Variants in SRSF11 observed in about 807,000 individuals in gnomAD.
The protein encoded by SRSF11 is serine and arginine rich splicing factor 11, also known as serine/arginine-rich splicing factor 11.
SRSF11 carries 9 observed loss-of-function variants against 56.0 expected under a neutral mutation model. The observed-to-expected ratio is 0.16, with a 90% CI of 0.10 to 0.28. SRSF11 has a LOEUF of 0.28. Among genes scored for constraint, SRSF11 ranks in the 10% least tolerant of loss-of-function variants. The pLI, the probability that SRSF11 is intolerant of heterozygous loss-of-function variation, is 1.00. For synonymous variants in SRSF11, 222 were observed against 215.3 expected, an observed-to-expected ratio of 1.03 and a Z score of -0.27; for missense variants, 421 against 600.7, an observed-to-expected ratio of 0.70 and a Z score of 3.13.
intron 1 of SRSF11, among the ~76,000 whole-genome samples, chr1:70,227,287 T>C (rs1671992597): frequency 6.6e-6 from 1 of 152,226 alleles, no homozygotes; most frequent in African/African-American, 2.4e-5. Flanking sequence ...CTGTGAAGCC[T>C]CATTCAGATA....
At chr1:70,222,533 T>C (rs919249662) in intron 1 of SRSF11, among the ~76,000 whole-genome samples, 3 of 152,224 alleles carry the variant, frequency 2.0e-5, no homozygotes, top group Non-Finnish European at 4.4e-5. Flanking sequence ...CTCACTTTTA[T>C]TTTGAAAATT....
intron 1 of SRSF11, among the ~76,000 whole-genome samples, chr1:70,212,950 G>C (rs191080454): frequency 1.3e-3 from 193 of 152,002 alleles, no homozygotes; most frequent in Middle Eastern, 3.4e-3. Context: ...TACTGGGGGG[G>C]TGGGGGTAAG....
At chr1:70,227,359 T>C (rs1275184257) in intron 1 of SRSF11, among the ~76,000 whole-genome samples, 1 of 152,170 alleles carries the variant, frequency 6.6e-6, no homozygotes, top group Non-Finnish European at 1.5e-5. Flanking sequence ...GTTATATTGA[T>C]GTTAAAATGA....
Position 70,237,502 on chromosome 1 carries a change from T to C in SRSF11, c.668T>C (p.Met223Thr). 6.2e-7 allele frequency: 1 copy of C among 1,614,080 alleles called. No individual in the cohort carries two copies. Among genetic ancestry groups the C allele is most frequent in the Non-Finnish European group, 8.5e-7 (1 of 1,180,016 alleles). Reference protein sequence around the residue: ...DTSSKEIEEAMKRVREAQSLI... With the variant: ...DTSSKEIEEATKRVREAQSLI... Reference sequence around the variant, plus strand: ...TCTAGTAAAGAAATAGAGGAAGCTATGAAAAGAGTACGAGAAGCACAGTCC... The same window carrying C: ...TCTAGTAAAGAAATAGAGGAAGCTACGAAAAGAGTACGAGAAGCACAGTCC... Residue 223 changes from methionine to threonine, a missense_variant, in exon 6 of 12, where the codon ATG (methionine) becomes ACG (threonine). By Grantham distance (81) the Met-to-Thr change is moderately conservative (BLOSUM62 -1). Transcript: ENST00000370949.
rs1676874855 is a variant in SRSF11, at chr1:70,246,808, C to T, written c.933-10C>T. ...TTCTAATGCATTCATAAATTGTGTT[C>T]ATTTGTTAGAGACAAAAAGAAAGAA... On this transcript the variant is annotated splice_polypyrimidine_tract_variant and intron_variant, in intron 8 of 11. Coordinates refer to ENST00000370949, the MANE Select transcript of SRSF11 (RefSeq NM_001350605.2). The T allele has an allele frequency of 1.3e-6, 2 of 1,589,328 alleles. No individual in the cohort carries two copies. The highest frequency in any genetic ancestry group is 1.7e-6 in the Non-Finnish European group (2 of 1,165,424).
chr1:70,217,748 G>C (rs1055368092), upstream of SRSF11, among the ~76,000 whole-genome samples: 19 of 152,072 alleles, frequency 1.2e-4, no homozygotes, highest in Non-Finnish European at 2.6e-4. Context: ...TCATAGATTG[G>C]TTATATTTAT....
At position 70,250,878 on chromosome 1, in the gene SRSF11, A is replaced by G; in HGVS notation, c.*73A>G. On this transcript the variant is annotated 3_prime_UTR_variant, in exon 12 of 12. Transcript: ENST00000370949. ...CCTTTGTGTGATTTCTTAATGCTGT[A>G]TTTGTTCATCTCAAACCTAGATGTA... 7.3e-7 allele frequency: 1 copy of G among 1,368,978 alleles called. No individual in the cohort carries two copies. Among genetic ancestry groups the G allele is most frequent in the African/African-American group, 1.4e-5 (1 of 69,674 alleles). 84.8% of individuals were successfully genotyped at this position (1,368,978 alleles called of 1,614,324 possible). A position where few individuals can be genotyped will look rare whatever the true frequency, so the allele number is the denominator to read the frequency against.
At chr1:70,212,139 G>A (rs1390677774) in intron 1 of SRSF11, among the ~76,000 whole-genome samples, 1 of 151,938 alleles carries the variant, frequency 6.6e-6, no homozygotes, top group Admixed American at 6.5e-5. Context: ...AACTAAAATT[G>A]TTTAATTTTA....
chr1:70,207,237 A>G (rs1035466113), intron 1 of SRSF11, among the ~76,000 whole-genome samples: 17 of 152,062 alleles, frequency 1.1e-4, no homozygotes, highest in African/African-American at 4.1e-4. Context: ...CAACGTTATT[A>G]ATGAGGTCCC....
upstream of SRSF11, among the ~76,000 whole-genome samples, chr1:70,217,040 T>A (rs1016153198): frequency 6.6e-6 from 1 of 152,254 alleles, no homozygotes; most frequent in African/African-American, 2.4e-5. Context: ...CTTCTTCCTT[T>A]TAGTAAGGTC....
At chr1:70,235,572 T>A in intron 5 of SRSF11, 22 bp downstream of exon 5, 1 of 1,608,098 alleles carries the variant, frequency 6.2e-7, no homozygotes, top group Non-Finnish European at 8.5e-7. Flanking sequence ...TTCTTTGTTT[T>A]CATTGGTGAT....
chr1:70,218,498 T>C (rs951446841), upstream of SRSF11: 1 of 152,266 alleles, frequency 6.6e-6, no homozygotes, highest in Non-Finnish European at 1.5e-5. Context: ...ACTACCTTTT[T>C]CTTTGGTTTG....
chr1:70,206,048 G>T (rs2100385632), intron 1 of SRSF11, among the ~76,000 whole-genome samples: 1 of 152,292 alleles, frequency 6.6e-6, no homozygotes, highest in Non-Finnish European at 1.5e-5. Context: ...GAAATTTTCT[G>T]TTCTTAAGGC....
chr1:70,246,477 T>G (rs992801452), intron 8 of SRSF11, among the ~76,000 whole-genome samples: 4 of 151,958 alleles, frequency 2.6e-5, no homozygotes, highest in Admixed American at 6.6e-5. Flanking sequence ...GTTGGGAAAG[T>G]GGTAATCAGC....
intron 1 of SRSF11, among the ~76,000 whole-genome samples, chr1:70,223,634 T>C (rs906188824): frequency 6.6e-6 from 1 of 152,224 alleles, no homozygotes; most frequent in Non-Finnish European, 1.5e-5. Flanking sequence ...TACAAGATCA[T>C]TTTGTCTTTT....
intron 3 of SRSF11, among the ~76,000 whole-genome samples, chr1:70,233,503 G>T (rs986490237): frequency 6.6e-6 from 1 of 152,218 alleles, no homozygotes; most frequent in East Asian, 1.9e-4. Context: ...GCCTCCCAAA[G>T]TGCTGGGATT....
chr1:70,227,301 T>A (rs1671996828), intron 1 of SRSF11, among the ~76,000 whole-genome samples: 1 of 152,224 alleles, frequency 6.6e-6, no homozygotes, highest in African/African-American at 2.4e-5. Flanking sequence ...TCAGATAGTA[T>A]TAAAATACAG....
Position 70,236,746 on chromosome 1 carries a change from C to T in SRSF11, c.591-679C>T, listed in dbSNP as rs74913665. 8.4e-3 allele frequency among the ~76,000 whole-genome samples: 1,226 copies of T among 146,814 alleles called. 17 individuals are homozygous for T. Among genetic ancestry groups the T allele is most frequent in the African/African-American group, 0.029 (1,168 of 40,048 alleles). ...CTCTGCCTCAGTTCCTCCCCACCTA[C>T]AAAGTAAAAGGTAATGCTCTTCCCC... On this transcript the variant is annotated intron_variant, in intron 5 of 11. Coordinates refer to ENST00000370949, the MANE Select transcript of SRSF11 (RefSeq NM_001350605.2).
chr1:70,228,482 A>G lies in SRSF11; in HGVS notation c.264A>G (p.Ser88=), dbSNP rs1672291533. The G allele has an allele frequency of 6.2e-7, 1 of 1,613,678 alleles. No individual in the cohort carries two copies. Among genetic ancestry groups the G allele is most frequent in the African/African-American group, 1.3e-5 (1 of 74,892 alleles). ...VCFVKFHDPD[S]AVVAQHLTNT... is the part of the protein sequence containing the mutation. ...TTGTTAAGTTCCATGATCCAGACTC[A>G]GCAGTTGTGGCACAGCATCTGACAA... Residue 88 remains serine (S), a synonymous_variant, in exon 2 of 12, where the codon TCA becomes TCG. Coordinates refer to ENST00000370949, the MANE Select transcript of SRSF11 (RefSeq NM_001350605.2).
Sources: allele counts gnomAD v4.1 joint callset (sites outside exome capture counted in the v4.1 genomes callset), GRCh38; gene constraint gnomAD v4.1.1; transcripts MANE v1.5; gene names NCBI Gene and HGNC (gene_info 2026-07-23, HGNC 2026-07-21).